CAP1: variants seen among roughly 807,000 people sequenced by gnomAD.
The protein encoded by CAP1 is adenylyl cyclase-associated protein 1.
CAP1 carries 11 observed loss-of-function variants against 58.2 expected under a neutral mutation model. That is an observed-to-expected ratio of 0.19 (90% CI 0.12 to 0.31). CAP1 has a LOEUF of 0.31. CAP1 is among the 10% of genes least tolerant of loss of function. The pLI, the probability that CAP1 is intolerant of heterozygous loss-of-function variation, is 1.00. For missense variants in CAP1, 423 were observed against 587.5 expected (o/e 0.72, Z 2.89); for synonymous variants, 183 against 213.8 (o/e 0.86, Z 1.26).
chr1:40,069,522 TG>T, intron 8 of CAP1, 167 bp from the exon 9 acceptor site: 1 of 643,310 alleles, frequency 1.6e-6, no homozygotes, highest in Admixed American at 2.7e-5. Flanking sequence ...AATTTAATCT[TG>T]GGGAGAAGAG....
chr1:40,051,450 A>C (rs967327486), intron 1 of CAP1, among the ~76,000 whole-genome samples: 1 of 152,212 alleles, frequency 6.6e-6, no homozygotes, highest in Non-Finnish European at 1.5e-5. Context: ...TAGTCCCAGT[A>C]GTCCCAGCTA....
At chr1:40,066,140 G>A (rs1015497921) in intron 6 of CAP1, 75 bp from the exon 7 acceptor site, 13 of 819,578 alleles carry the variant, frequency 1.6e-5, no homozygotes, top group African/African-American at 3.4e-5. Context: ...TGAGCCCATA[G>A]GAAAGAAGGG....
chr1:40,046,269 A>C (rs374162519), intron 1 of CAP1, among the ~76,000 whole-genome samples: 72 of 152,322 alleles, frequency 4.7e-4, no homozygotes, highest in African/African-American at 1.5e-3. Flanking sequence ...CAGCCTGGCC[A>C]ACATGGTAAA....
intron 1 of CAP1, among the ~76,000 whole-genome samples, chr1:40,045,304 G>C (rs923031577): frequency 1.1e-4 from 17 of 152,176 alleles, no homozygotes; most frequent in African/African-American, 3.9e-4. Flanking sequence ...ACTAAATTCT[G>C]TGAGGGCAGG....
At chr1:40,048,131 G>T (rs995358074) in intron 1 of CAP1, among the ~76,000 whole-genome samples, 5 of 151,582 alleles carry the variant, frequency 3.3e-5, no homozygotes, top group African/African-American at 1.2e-4. Context: ...CAGTTCTCCT[G>T]CCTCAGCCTC....
intron 1 of CAP1, among the ~76,000 whole-genome samples, chr1:40,042,227 G>A (rs930864455): frequency 1.3e-5 from 2 of 152,152 alleles, no homozygotes; most frequent in Admixed American, 6.5e-5. Flanking sequence ...ATTTTAATGA[G>A]ATAGCCTTTG....
intron 12 of CAP1, 112 bp from the exon 13 acceptor site, chr1:40,071,338 G>A (rs1419295623): frequency 5.5e-6 from 4 of 729,560 alleles, no homozygotes; most frequent in African/African-American, 1.8e-5. Flanking sequence ...TTGCTACATT[G>A]TACCGTGCTC....
At chr1:40,066,378 G>C in intron 7 of CAP1, 58 bp downstream of exon 7, 2 of 902,672 alleles carry the variant, frequency 2.2e-6, no homozygotes, top group Non-Finnish European at 1.8e-6. Context: ...CCAGCATGGG[G>C]TCCACAGGTT....
chr1:40,049,491 C>CT (rs770431940), intron 1 of CAP1, among the ~76,000 whole-genome samples: 95 of 152,106 alleles, frequency 6.2e-4, no homozygotes, highest in Admixed American at 1.2e-3. Context: ...GATTACAGGC[C>CT]TGAGCCACTG....
intron 3 of CAP1, 23 bp from the exon 4 acceptor site, chr1:40,061,712 T>G: frequency 6.2e-7 from 1 of 1,603,318 alleles, no homozygotes; most frequent in Non-Finnish European, 8.5e-7. Flanking sequence ...GTGTCATCAA[T>G]AGCTGATTCT....
At chr1:40,056,443 G>A (rs1007636207) in intron 1 of CAP1, among the ~76,000 whole-genome samples, 2 of 151,982 alleles carry the variant, frequency 1.3e-5, no homozygotes, top group East Asian at 1.9e-4. Flanking sequence ...CTACAGGTGT[G>A]TACCATCATG....
chr1:40,056,897 C>T (rs183574033), intron 1 of CAP1, among the ~76,000 whole-genome samples: 1 of 102,600 alleles, frequency 9.7e-6, no homozygotes, highest in East Asian at 2.8e-4. Context: ...CATCTTACTC[C>T]CACCAAGAGC....
In CAP1 at chr1:40,070,851, C is replaced by G. The variant is rs1647812707; in HGVS notation, c.1216C>G (p.Pro406Ala). The G allele has an allele frequency of 6.2e-7, 1 of 1,611,786 alleles. No homozygotes were observed. The highest frequency in any genetic ancestry group is 1.7e-5 in the Admixed American group (1 of 59,764). The change falls in exon 12 of 13, where the codon CCA becomes GCA. Residue 406 changes from proline to alanine, a missense_variant. Transcript: ENST00000372805. ...TACTCTGCAGGTAATGGGTAAAGTGCCAACCATATCCATCAACAAAACAGA... is the reference window on the plus strand; with the variant it reads ...TACTCTGCAGGTAATGGGTAAAGTGGCAACCATATCCATCAACAAAACAGA... ...DVKVQVMGKVPTISINKTDGC... is the reference protein window; with the variant it reads ...DVKVQVMGKVATISINKTDGC...
At chr1:40,056,475 C>T (rs999504555) in intron 1 of CAP1, among the ~76,000 whole-genome samples, 3 of 151,808 alleles carry the variant, frequency 2.0e-5, no homozygotes, top group African/African-American at 7.3e-5. Context: ...TTTTTATTTT[C>T]TGTAGAGATG....
At chr1:40,053,950 G>A (rs1460194598) in intron 1 of CAP1, among the ~76,000 whole-genome samples, 1 of 152,086 alleles carries the variant, frequency 6.6e-6, no homozygotes, top group East Asian at 1.9e-4. Flanking sequence ...TTTCCTTATG[G>A]TACTTAGTTT....
chr1:40,060,311 C>A, intron 3 of CAP1, 141 bp downstream of exon 3: 1 of 602,918 alleles, frequency 1.7e-6, no homozygotes, highest in Non-Finnish European at 3.0e-6. Flanking sequence ...TCTCTTTTGC[C>A]TGTACTGAGG....
chr1:40,058,713 C>T (rs1646718887), intron 1 of CAP1, among the ~76,000 whole-genome samples: 1 of 151,326 alleles, frequency 6.6e-6, no homozygotes, highest in East Asian at 1.9e-4. Flanking sequence ...CATTGTAAGA[C>T]TTTGTCTGAA....
chr1:40,061,893 T>C, intron 4 of CAP1, 81 bp downstream of exon 4: 1 of 1,055,676 alleles, frequency 9.5e-7, no homozygotes, highest in South Asian at 1.3e-5. Flanking sequence ...ATTATAACAT[T>C]TTAAAATAGA....
intron 1 of CAP1, among the ~76,000 whole-genome samples, chr1:40,046,397 A>C (rs1646103649): frequency 6.6e-6 from 1 of 152,188 alleles, no homozygotes; most frequent in African/African-American, 2.4e-5. Context: ...TGGAGGTTGC[A>C]GTGAGCTAAG....
Sources: gnomAD v4.1 joint callset for allele counts (sites outside exome capture counted in the v4.1 genomes callset) on GRCh38, gnomAD v4.1.1 for gene constraint, MANE v1.5 for transcripts, NCBI Gene and HGNC (gene_info 2026-07-23, HGNC 2026-07-21) for gene names.